Variants in GRAMD1B observed in about 807,000 individuals in gnomAD.
GRAMD1B encodes the protein GRAM domain containing 1B.
Under a neutral mutation model 99.7 loss-of-function variants are expected in GRAMD1B, and 37 were observed. The ratio of observed to expected loss-of-function variants is 0.37; its 90% CI spans 0.29 to 0.49. The LOEUF (loss-of-function observed/expected upper bound fraction) is 0.49. GRAMD1B is among the 20% of genes least tolerant of loss of function. GRAMD1B has a pLI of 0.98. For synonymous variants in GRAMD1B, 427 were observed against 387.6 expected (o/e 1.10, Z -1.19); for missense variants, 888 against 1,009.2 (o/e 0.88, Z 1.63).
chr11:123,466,271 G>A (rs935715028), intron 1 of GRAMD1B, among the ~76,000 whole-genome samples: 1 of 149,258 alleles, frequency 6.7e-6, no homozygotes, highest in African/African-American at 2.5e-5. Flanking sequence ...GTGAGACTCT[G>A]TCAAGGAAGG....
At chr11:123,618,602 G>T in intron 17 of GRAMD1B, 91 bp from the exon 18 acceptor site, 1 of 840,856 alleles carries the variant, frequency 1.2e-6, no homozygotes, top group African/African-American at 1.7e-5. Context: ...ATGGCCCACC[G>T]GTCAGGGACA....
At chr11:123,368,247 A>G (rs1169247040) in intron 1 of GRAMD1B, among the ~76,000 whole-genome samples, 1 of 129,006 alleles carries the variant, frequency 7.8e-6, no homozygotes, top group Non-Finnish European at 1.6e-5. Flanking sequence ...GTGCGAAACT[A>G]CATCTTAAAA....
chr11:123,541,808 A>G (rs1357607039), intron 2 of GRAMD1B, among the ~76,000 whole-genome samples: 1 of 152,190 alleles, frequency 6.6e-6, no homozygotes, highest in Non-Finnish European at 1.5e-5. Flanking sequence ...TTAAGAGTAT[A>G]TGTATTCTTA....
chr11:123,472,137 G>A (rs1478098104), intron 1 of GRAMD1B, among the ~76,000 whole-genome samples: 1 of 151,824 alleles, frequency 6.6e-6, no homozygotes, highest in African/African-American at 2.4e-5. Flanking sequence ...GGAGGCTAAG[G>A]TGGGAACTTG....
At chr11:123,376,041 C>T (rs772157079) in intron 1 of GRAMD1B, among the ~76,000 whole-genome samples, 4 of 151,934 alleles carry the variant, frequency 2.6e-5, no homozygotes, top group Non-Finnish European at 5.9e-5. Flanking sequence ...TTCACAGTTA[C>T]GCACACTTGG....
intron 2 of GRAMD1B, among the ~76,000 whole-genome samples, chr11:123,481,358 G>A (rs560244677): frequency 7.9e-5 from 12 of 152,174 alleles, no homozygotes; most frequent in Non-Finnish European, 1.6e-4. Context: ...CGAGGCTGAG[G>A]CAGGAGAATC....
chr11:123,497,811 G>A (rs1359849798), intron 2 of GRAMD1B, among the ~76,000 whole-genome samples: 2 of 149,784 alleles, frequency 1.3e-5, no homozygotes, highest in Non-Finnish European at 2.9e-5. Flanking sequence ...TGAGGCAGGA[G>A]AATCGCTTGA....
intron 2 of GRAMD1B, among the ~76,000 whole-genome samples, chr11:123,517,045 G>C (rs1052956286): frequency 6.6e-6 from 1 of 152,072 alleles, no homozygotes; most frequent in African/African-American, 2.4e-5. Flanking sequence ...TCAGCCTCCC[G>C]AGTAGCTGGG....
chr11:123,439,671 A>C (rs1949320164), intron 1 of GRAMD1B, among the ~76,000 whole-genome samples: 1 of 152,160 alleles, frequency 6.6e-6, no homozygotes, highest in Non-Finnish European at 1.5e-5. Flanking sequence ...ATGACCAGGC[A>C]CGTCACGGAG....
Position 123,462,890 on chromosome 11 carries a change from T to TAAAAA in GRAMD1B, c.375-17926_375-17925insAAAAA, listed in dbSNP as rs55643501. Among the ~76,000 whole-genome samples, 75 of 123,076 alleles carry TAAAAA rather than the reference T, an allele frequency of 6.1e-4. 1 individual carries two copies. The highest frequency in any genetic ancestry group is 1.5e-3 in the African/African-American group (48 of 31,300). 80.7% of individuals were successfully genotyped at this position (123,076 alleles called of 152,430 possible). On this transcript the variant is annotated intron_variant, in intron 1 of 19. Coordinates refer to ENST00000635736, the MANE Select transcript of GRAMD1B (RefSeq NM_001387025.1). ...CAAGAATTATCAATAAAAAAATAAA[T>TAAAAA]TAAAAAAAAAAAAAAAAAAAAAGAA...
Position 123,625,057 on chromosome 11 carries a change from A to G in GRAMD1B, c.*2462A>G, listed in dbSNP as rs1955422111. Reference sequence around the variant, plus strand: ...CTCTCTGTGTTCCAATAATTTTTTGACTATCATACCAGGAAAAAACCAACA... The same window carrying G: ...CTCTCTGTGTTCCAATAATTTTTTGGCTATCATACCAGGAAAAAACCAACA... On this transcript the variant is annotated 3_prime_UTR_variant, in exon 20 of 20. Coordinates refer to ENST00000635736, the MANE Select transcript of GRAMD1B (RefSeq NM_001387025.1). 6.6e-6 allele frequency: 1 copy of G among 152,202 alleles called. No homozygotes were observed. The highest frequency in any genetic ancestry group is 6.5e-5 in the Admixed American group (1 of 15,284). 9.4% of individuals were successfully genotyped at this position (152,202 alleles called of 1,614,324 possible).
chr11:123,457,747 C>T (rs1019992038), intron 1 of GRAMD1B, among the ~76,000 whole-genome samples: 1 of 152,196 alleles, frequency 6.6e-6, no homozygotes, highest in African/African-American at 2.4e-5. Context: ...GATGGGGTCT[C>T]ACTCTATCGC....
chr11:123,428,248 G>C (rs11219138), upstream of GRAMD1B, among the ~76,000 whole-genome samples: 20,413 of 152,248 alleles, frequency 0.13, 3,049 homozygotes, highest in African/African-American at 0.37. Flanking sequence ...GTACAAGGCA[G>C]TGAACAAACT....
chr11:123,548,739 C>G (rs1945321441), intron 2 of GRAMD1B, among the ~76,000 whole-genome samples: 1 of 152,136 alleles, frequency 6.6e-6, no homozygotes, highest in Non-Finnish European at 1.5e-5. Context: ...TTTGGAGTAG[C>G]TGGAACCTCA....
chr11:123,469,533 A>G (rs1349179733), intron 1 of GRAMD1B, among the ~76,000 whole-genome samples: 1 of 152,120 alleles, frequency 6.6e-6, no homozygotes, highest in Admixed American at 6.5e-5. Context: ...GTTCATATGA[A>G]TCTTTACTTG....
intron 7 of GRAMD1B, among the ~76,000 whole-genome samples, chr11:123,596,702 G>T (rs1055535248): frequency 6.6e-6 from 1 of 152,170 alleles, no homozygotes; most frequent in Non-Finnish European, 1.5e-5. Context: ...ACCTATATTT[G>T]TTGTTGTTGT....
At chr11:123,495,146 C>T (rs1939093962) in intron 2 of GRAMD1B, among the ~76,000 whole-genome samples, 1 of 151,526 alleles carries the variant, frequency 6.6e-6, no homozygotes, top group African/African-American at 2.4e-5. Flanking sequence ...CACAGACACA[C>T]ATACACACAC....
chr11:123,463,070 G>A (rs569511333), intron 1 of GRAMD1B, among the ~76,000 whole-genome samples: 4 of 152,158 alleles, frequency 2.6e-5, no homozygotes, highest in Admixed American at 6.5e-5. Flanking sequence ...GTGCGATGGC[G>A]CGATCTCGGC....
At chr11:123,552,814 C>T (rs1432659153) in intron 2 of GRAMD1B, among the ~76,000 whole-genome samples, 1 of 152,140 alleles carries the variant, frequency 6.6e-6, no homozygotes, top group Non-Finnish European at 1.5e-5. Flanking sequence ...CCACTGTGCC[C>T]TTCATAAAGT....
Sources: gnomAD v4.1 joint callset for allele counts (sites outside exome capture counted in the v4.1 genomes callset) on GRCh38, gnomAD v4.1.1 for gene constraint, MANE v1.5 for transcripts, NCBI Gene and HGNC (gene_info 2026-07-23, HGNC 2026-07-21) for gene names.